CNTFR: variants seen among roughly 807,000 people sequenced by gnomAD.
CNTFR encodes ciliary neurotrophic factor receptor subunit alpha.
A neutral mutation model predicts 40.4 loss-of-function variants in CNTFR; 12 were observed. The observed-to-expected ratio is 0.30, with a 90% CI of 0.19 to 0.48. CNTFR has a LOEUF of 0.48. Ranked by LOEUF, CNTFR falls within the 20% of genes least tolerant of loss-of-function variation. The probability of loss-of-function intolerance (pLI) is 0.99; values close to 1 mark genes in which losing one functional copy is unlikely to be tolerated. For missense variants in CNTFR, 414 were observed against 506.8 expected (o/e 0.82, Z 1.76); for synonymous variants, 202 against 209.6 (o/e 0.96, Z 0.31).
intron 3 of CNTFR, among the ~76,000 whole-genome samples, chr9:34,566,513 C>G (rs1826301374): frequency 6.6e-6 from 1 of 152,144 alleles, no homozygotes; most frequent in Non-Finnish European, 1.5e-5. Flanking sequence ...TGAGCGCCCC[C>G]AACAGTCCAC....
intron 1 of CNTFR, among the ~76,000 whole-genome samples, chr9:34,586,304 G>A (rs1827543540): frequency 6.6e-6 from 1 of 152,182 alleles, no homozygotes; most frequent in African/African-American, 2.4e-5. Flanking sequence ...GAGACACTGT[G>A]AGACACGCAC....
intron 1 of CNTFR, among the ~76,000 whole-genome samples, chr9:34,587,901 A>T (rs931133852): frequency 2.0e-5 from 3 of 152,042 alleles, no homozygotes; most frequent in African/African-American, 7.3e-5. Context: ...CAGAGTTCCA[A>T]TGTGAGTCTA....
chr9:34,585,900 T>A lies in CNTFR; in HGVS notation c.-112+3655A>T, dbSNP rs575891892. Among the ~76,000 whole-genome samples the A allele has an allele frequency of 6.6e-5, 10 of 152,260 alleles. No homozygotes were observed. In the South Asian group the frequency reaches 1.9e-3, roughly 28 times the overall value. On this transcript the variant is annotated intron_variant, in intron 1 of 9. Coordinates refer to ENST00000378980, the MANE Select transcript of CNTFR (RefSeq NM_147164.3). ...TGCATTTCAAAGAAAATCCACTCCA[T>A]ATGTTTCCGATTCATTTACACTTCA... is the stretch of plus-strand genomic sequence containing the variant.
chr9:34,576,426 G>A (rs547614574), intron 2 of CNTFR, among the ~76,000 whole-genome samples: 1 of 152,216 alleles, frequency 6.6e-6, no homozygotes, highest in East Asian at 1.9e-4. Flanking sequence ...GGCCTCTCAC[G>A]CCCCGACACC....
At chr9:34,566,075 C>T (rs1352816738) in intron 3 of CNTFR, among the ~76,000 whole-genome samples, 1 of 152,048 alleles carries the variant, frequency 6.6e-6, no homozygotes, top group East Asian at 1.9e-4. Context: ...GGCCAGTGGC[C>T]TCTTAATTAG....
At chr9:34,559,534 G>A (rs534840398) in intron 4 of CNTFR, among the ~76,000 whole-genome samples, 9 of 152,104 alleles carry the variant, frequency 5.9e-5, no homozygotes, top group Non-Finnish European at 1.2e-4. Context: ...CGGGCCCTGC[G>A]TCCATCTCAT....
In CNTFR at chr9:34,574,249, G is replaced by A. The variant is rs561906649; in HGVS notation, c.1-5268C>T. Among the ~76,000 whole-genome samples, 3 of 152,142 alleles carry A rather than the reference G, an allele frequency of 2.0e-5. No homozygotes were observed. In the East Asian group the frequency reaches 5.8e-4, roughly 29 times the overall value. On this transcript the variant is annotated intron_variant, in intron 2 of 9. Coordinates refer to ENST00000378980, the MANE Select transcript of CNTFR (RefSeq NM_147164.3). ...AGGGGCCAGCTCGTGGGCTGGGGCC[G>A]GCTAGCCATGGGCGGGCAGGTTCCC...
At chr9:34,558,893 G>A (rs1825956938) in intron 4 of CNTFR, among the ~76,000 whole-genome samples, 1 of 152,210 alleles carries the variant, frequency 6.6e-6, no homozygotes, top group Non-Finnish European at 1.5e-5. Flanking sequence ...CACTTGGGAA[G>A]TCCTTTCTGC....
chr9:34,579,728 G>A (rs1292355257), intron 2 of CNTFR, among the ~76,000 whole-genome samples: 3 of 152,100 alleles, frequency 2.0e-5, no homozygotes, highest in African/African-American at 7.2e-5. Flanking sequence ...CTCTGCAAGG[G>A]CTGAGTGCTA....
intron 2 of CNTFR, among the ~76,000 whole-genome samples, chr9:34,579,294 C>T (rs909960669): frequency 2.0e-5 from 3 of 152,110 alleles, no homozygotes; most frequent in African/African-American, 7.2e-5. Context: ...GCCCGCCGCT[C>T]CCTCCTCCCC....
chr9:34,566,943 C>T lies in CNTFR; in HGVS notation c.85+1954G>A, dbSNP rs115998411. On this transcript the variant is annotated intron_variant, in intron 3 of 9. Coordinates refer to ENST00000378980, the MANE Select transcript of CNTFR (RefSeq NM_147164.3). ...AGGGCAGAACGAAAAAATGACAACA[C>T]AATGGCAGAAGACAACGACAGGCCA... Among the ~76,000 whole-genome samples, 954 of 152,208 alleles carry T rather than the reference C, an allele frequency of 6.3e-3. 9 individuals are homozygous for T. The highest frequency in any genetic ancestry group is 0.022 in the African/African-American group (920 of 41,518).
chr9:34,555,627 A>C (rs1825803054), intron 7 of CNTFR, among the ~76,000 whole-genome samples: 1 of 151,936 alleles, frequency 6.6e-6, no homozygotes, highest in Non-Finnish European at 1.5e-5. Context: ...CTTCCGACTC[A>C]CAGCCTCAAG....
rs377049827 is a variant in CNTFR, at chr9:34,575,141, G to A, written c.-1+5954C>T. 4.6e-5 allele frequency among the ~76,000 whole-genome samples: 7 copies of A among 152,348 alleles called. No individual in the cohort carries two copies. In the East Asian group the frequency reaches 7.7e-4, roughly 17 times the overall value. On this transcript the variant is annotated intron_variant, in intron 2 of 9. Transcript: ENST00000378980. Reference sequence around the variant, plus strand: ...AGAGGAGGAAGGGGCAGATAAGTTCGTATCCTCCCTTTGGACACATAGGCT... The same window carrying A: ...AGAGGAGGAAGGGGCAGATAAGTTCATATCCTCCCTTTGGACACATAGGCT...
chr9:34,589,915 G>T (rs1434786097), upstream of CNTFR, among the ~76,000 whole-genome samples: 7 of 148,176 alleles, frequency 4.7e-5, no homozygotes, highest in Admixed American at 1.3e-4. This position sits in a 1 kb window ranked among gnomAD's most constrained non-coding sequence, Gnocchi z 4.4. Context: ...CCCGCCACGG[G>T]CCCCGCGCGC....
intron 4 of CNTFR, 119 bp downstream of exon 4, chr9:34,564,480 G>C: frequency 2.1e-6 from 2 of 955,836 alleles, no homozygotes; most frequent in Non-Finnish European, 3.2e-6. Context: ...GAGGGCAAGG[G>C]TCAGGCTGCA....
chr9:34,572,903 C>A (rs1826747629), intron 2 of CNTFR, among the ~76,000 whole-genome samples: 1 of 152,202 alleles, frequency 6.6e-6, no homozygotes, highest in Non-Finnish European at 1.5e-5. Flanking sequence ...GAGACTCAGT[C>A]ACATCGAGTC....
At chr9:34,586,222 T>C (rs532060822) in intron 1 of CNTFR, among the ~76,000 whole-genome samples, 17 of 152,242 alleles carry the variant, frequency 1.1e-4, no homozygotes, top group Admixed American at 6.5e-4. Flanking sequence ...GGGCTACTGC[T>C]CTTTTGGGGA....
At position 34,557,200 on chromosome 9, in the gene CNTFR, G is replaced by GC. The variant is rs1232199334; in HGVS notation, c.604+325_604+326insG. Among the ~76,000 whole-genome samples, 5 of 151,030 alleles carry GC rather than the reference G, an allele frequency of 3.3e-5. No homozygotes were observed. Among genetic ancestry groups the GC allele is most frequent in the South Asian group, 2.1e-4 (1 of 4,712 alleles). ...AAGGAAGCCATTAGAGTTGGGGGGG[G>GC]GTGCGGTGGAGGCTGCAGCTGCACA... is the stretch of plus-strand genomic sequence containing the variant. On this transcript the variant is annotated intron_variant, in intron 6 of 9. Coordinates refer to ENST00000378980, the MANE Select transcript of CNTFR (RefSeq NM_147164.3). The surrounding 1 kb of genome is among the most constrained non-coding windows in gnomAD (Gnocchi z 4.2).
chr9:34,590,508 G>A (rs988751778), upstream of CNTFR, among the ~76,000 whole-genome samples: 1 of 152,236 alleles, frequency 6.6e-6, no homozygotes. Context: ...TCGCGCGGGG[G>A]AAAGGGGCTT....
Sources: gnomAD v4.1 joint callset for allele counts (sites outside exome capture counted in the v4.1 genomes callset) on GRCh38, gnomAD v4.1.1 for gene constraint, Gnocchi (gnomAD v3.1) non-coding constraint, MANE v1.5 for transcripts, NCBI Gene and HGNC (gene_info 2026-07-23, HGNC 2026-07-21) for gene names.